CLIC4: variants seen among roughly 807,000 people sequenced by gnomAD.
CLIC4 encodes chloride intracellular channel protein 4.
A neutral mutation model predicts 24.6 loss-of-function variants in CLIC4; 13 were observed. The ratio of observed to expected loss-of-function variants is 0.53; its 90% confidence interval spans 0.34 to 0.84. The LOEUF is 0.84. CLIC4 is among the 40% of genes least tolerant of loss of function. CLIC4 has a pLI of 0.01. For synonymous variants in CLIC4, 104 were observed against 111.3 expected, an observed-to-expected ratio of 0.93 and a Z score of 0.41; for missense variants, 227 against 301.7, an observed-to-expected ratio of 0.75 and a Z score of 1.83.
At chr1:24,803,464 G>C (rs1034471546) in intron 2 of CLIC4, among the ~76,000 whole-genome samples, 2 of 152,176 alleles carry the variant, frequency 1.3e-5, no homozygotes, top group African/African-American at 4.8e-5. Flanking sequence ...TTGAATCTCA[G>C]TTGGCATTAA....
intron 4 of CLIC4, among the ~76,000 whole-genome samples, chr1:24,836,291 G>A (rs2124175961): frequency 6.6e-6 from 1 of 152,216 alleles, no homozygotes; most frequent in South Asian, 2.1e-4. Flanking sequence ...TACCCCCTTA[G>A]TAACTGTTAG....
intron 1 of CLIC4, among the ~76,000 whole-genome samples, chr1:24,776,894 A>G (rs1429050685): frequency 6.6e-6 from 1 of 152,200 alleles, no homozygotes; most frequent in Non-Finnish European, 1.5e-5. Context: ...CCTGGGCGAC[A>G]AGAGCAAAAC....
intron 1 of CLIC4, among the ~76,000 whole-genome samples, chr1:24,784,450 A>G (rs768600284): frequency 2.0e-5 from 3 of 152,210 alleles, no homozygotes; most frequent in Non-Finnish European, 4.4e-5. Context: ...AGGATTAACT[A>G]GATTAATACA....
chr1:24,773,408 G>A (rs1639095570), intron 1 of CLIC4, among the ~76,000 whole-genome samples: 1 of 152,082 alleles, frequency 6.6e-6, no homozygotes, highest in Admixed American at 6.6e-5. Flanking sequence ...ACAGTATAAT[G>A]TGTATACCCT....
rs113448271 is a variant in CLIC4 at position 24,758,288 on chromosome 1, G to A, written c.72+12663G>A. Among the ~76,000 whole-genome samples the A allele has an allele frequency of 4.5e-3, 679 of 150,720 alleles. 2 individuals carry two copies. The highest frequency in any genetic ancestry group is 7.5e-3 in the Non-Finnish European group (511 of 67,770). On this transcript the variant is annotated intron_variant, in intron 1 of 5. Coordinates refer to ENST00000374379, the MANE Select transcript of CLIC4 (RefSeq NM_013943.3). Reference sequence around the variant, plus strand: ...TATAACCCCTTGACTAGAGATAGTTGTTGCTATTGTATGTCCTAGTCTTTT... The same window carrying A: ...TATAACCCCTTGACTAGAGATAGTTATTGCTATTGTATGTCCTAGTCTTTT...
At chr1:24,837,456 C>T (rs563624434) in intron 4 of CLIC4, among the ~76,000 whole-genome samples, 1 of 152,204 alleles carries the variant, frequency 6.6e-6, no homozygotes, top group East Asian at 1.9e-4. Flanking sequence ...TGAACTCTTC[C>T]AAGCATTTGA....
At chr1:24,751,922 G>A (rs967150267) in intron 1 of CLIC4, among the ~76,000 whole-genome samples, 1 of 152,210 alleles carries the variant, frequency 6.6e-6, no homozygotes, top group African/African-American at 2.4e-5. Context: ...AGTTTTATGG[G>A]CTGGAATTTA....
chr1:24,837,486 T>G (rs886998650), intron 4 of CLIC4, among the ~76,000 whole-genome samples: 9 of 152,218 alleles, frequency 5.9e-5, no homozygotes, highest in Non-Finnish European at 1.3e-4. Context: ...AAGGTTATAC[T>G]TTCATATACC....
At chr1:24,745,727 C>G (rs1638681667) in intron 1 of CLIC4, 102 bp downstream of exon 1, 2 of 905,618 alleles carry the variant, frequency 2.2e-6, no homozygotes, top group Non-Finnish European at 3.1e-6. Flanking sequence ...CCGCTCGGCG[C>G]CAGCACCCGT....
chr1:24,819,863 T>A (rs1639708450), intron 3 of CLIC4, among the ~76,000 whole-genome samples: 1 of 147,454 alleles, frequency 6.8e-6, no homozygotes. Context: ...CCTCAGTCTC[T>A]TGAATAGCTG....
chr1:24,799,188 C>T (rs1187164059), intron 2 of CLIC4, among the ~76,000 whole-genome samples: 1 of 151,626 alleles, frequency 6.6e-6, no homozygotes, highest in Admixed American at 6.6e-5. Flanking sequence ...GCCATCCCAT[C>T]TAGGAAGTGA....
chr1:24,745,773 T>C (rs1036178097), intron 1 of CLIC4, 148 bp downstream of exon 1: 31 of 535,668 alleles, frequency 5.8e-5, no homozygotes, highest in Non-Finnish European at 8.2e-5. Context: ...GCCCATTGTC[T>C]GGGGGCCGCC....
intron 3 of CLIC4, among the ~76,000 whole-genome samples, chr1:24,826,474 G>A (rs567511450): frequency 2.6e-5 from 4 of 152,332 alleles, no homozygotes; most frequent in African/African-American, 4.8e-5. Flanking sequence ...ACTGCTGTTT[G>A]AGAAGGCGCG....
At chr1:24,779,496 G>GTCCCTACCTC (rs1368072110) in intron 1 of CLIC4, among the ~76,000 whole-genome samples, 1 of 151,966 alleles carries the variant, frequency 6.6e-6, no homozygotes, top group Admixed American at 6.6e-5. Flanking sequence ...ATAATCTCCT[G>GTCCCTACCTC]TCCCTACCTC....
chr1:24,801,147 G>A (rs1557806686), intron 2 of CLIC4, among the ~76,000 whole-genome samples: 1 of 151,954 alleles, frequency 6.6e-6, no homozygotes, highest in Non-Finnish European at 1.5e-5. Flanking sequence ...TGATGCAAGT[G>A]TCACAACATG....
At chr1:24,809,375 C>G (rs978202971) in intron 2 of CLIC4, among the ~76,000 whole-genome samples, 4 of 152,046 alleles carry the variant, frequency 2.6e-5, no homozygotes, top group African/African-American at 9.7e-5. Flanking sequence ...TGAATAAGAC[C>G]AAGGGAAATT....
chr1:24,767,067 C>CA (rs57550151), intron 1 of CLIC4, among the ~76,000 whole-genome samples: 3 of 135,578 alleles, frequency 2.2e-5, no homozygotes, highest in Admixed American at 7.2e-5. Context: ...AAAGAAAAAC[C>CA]AAAAAAACCT....
intron 5 of CLIC4, 70 bp downstream of exon 5, chr1:24,840,111 T>A: frequency 1.4e-6 from 2 of 1,419,976 alleles, no homozygotes; most frequent in Non-Finnish European, 1.9e-6. Context: ...GCATTTCCTT[T>A]GTGCTCAAAA....
intron 3 of CLIC4, among the ~76,000 whole-genome samples, chr1:24,822,896 A>C (rs1639749679): frequency 6.6e-6 from 1 of 152,106 alleles, no homozygotes; most frequent in South Asian, 2.1e-4. Context: ...CTATTGTGCT[A>C]TATTGTTCTA....
Sources: gnomAD v4.1 joint callset for allele counts (sites outside exome capture counted in the v4.1 genomes callset) on GRCh38, gnomAD v4.1.1 for gene constraint, MANE v1.5 for transcripts, NCBI Gene and HGNC (gene_info 2026-07-23, HGNC 2026-07-21) for gene names.